SAXO1: variants seen among roughly 807,000 people sequenced by gnomAD.
The protein encoded by SAXO1 is stabilizer of axonemal microtubules 1.
SAXO1 carries 21 observed loss-of-function variants against 17.5 expected under a neutral mutation model. That is an observed-to-expected ratio of 1.20 (90% CI 0.85 to 1.72). The LOEUF (loss-of-function observed/expected upper bound fraction) is 1.72. Ranked by LOEUF, SAXO1 falls within the 40% of genes most tolerant of loss-of-function variation. SAXO1 has a pLI of 0.00. For missense variants in SAXO1, 843 were observed against 596.0 expected (o/e 1.41, Z -4.32); for synonymous variants, 274 against 216.5 (o/e 1.27, Z -2.33).
chr9:19,021,259 G>A (rs762047777), intron 1 of SAXO1, among the ~76,000 whole-genome samples: 73 of 152,196 alleles, frequency 4.8e-4, no homozygotes, highest in Non-Finnish European at 8.2e-4. Flanking sequence ...ATGAAGCTAG[G>A]GCTGGGGTAG....
upstream of SAXO1, among the ~76,000 whole-genome samples, chr9:19,036,702 C>A (rs111313842): frequency 0.019 from 2,917 of 152,190 alleles, 91 homozygotes; most frequent in African/African-American, 0.066. Flanking sequence ...ATGGAAATGC[C>A]TGGATGTCCA....
At chr9:18,990,644 G>T (rs1833777143) in intron 1 of SAXO1, among the ~76,000 whole-genome samples, 1 of 152,206 alleles carries the variant, frequency 6.6e-6, no homozygotes, top group East Asian at 1.9e-4. Context: ...CTGCACAGCA[G>T]AAGGTGAGTG....
intron 1 of SAXO1, among the ~76,000 whole-genome samples, chr9:18,997,293 T>C (rs1240429529): frequency 6.6e-6 from 1 of 152,242 alleles, no homozygotes; most frequent in Non-Finnish European, 1.5e-5. Flanking sequence ...GGACATTCCC[T>C]CCTGTGCCTG....
In SAXO1 at chr9:18,988,655, T is replaced by C. The variant is rs139934221; in HGVS notation, c.39-37718A>G. 2.8e-3 allele frequency among the ~76,000 whole-genome samples: 424 copies of C among 152,340 alleles called. 4 individuals carry two copies. Among genetic ancestry groups the C allele is most frequent in the African/African-American group, 9.8e-3 (407 of 41,586 alleles). On this transcript the variant is annotated intron_variant, in intron 1 of 3. Coordinates refer to ENST00000380534, the MANE Select transcript of SAXO1 (RefSeq NM_153707.4). Reference sequence around the variant, plus strand: ...CTTTGGATAATCAATGTATGCACTATATGCATGCCCATTGTATGTAACAAC... The same window carrying C: ...CTTTGGATAATCAATGTATGCACTACATGCATGCCCATTGTATGTAACAAC...
At chr9:19,032,245 ACAG>A (rs1280976740) in intron 1 of SAXO1, among the ~76,000 whole-genome samples, 12 of 152,166 alleles carry the variant, frequency 7.9e-5, no homozygotes, top group Non-Finnish European at 1.6e-4. Flanking sequence ...CATGTGAGTG[ACAG>A]CAGACCAGTC....
intron 1 of SAXO1, among the ~76,000 whole-genome samples, chr9:18,997,192 A>C (rs1166942543): frequency 6.6e-6 from 1 of 152,198 alleles, no homozygotes; most frequent in Non-Finnish European, 1.5e-5. Flanking sequence ...TTTCCTAACC[A>C]AGGGAAGCCA....
At chr9:18,937,133 A>T (rs1162959767) in intron 3 of SAXO1, among the ~76,000 whole-genome samples, 2 of 152,240 alleles carry the variant, frequency 1.3e-5, no homozygotes, top group Admixed American at 1.3e-4. Flanking sequence ...TTCACAAGAC[A>T]CAAACATGTC....
intron 1 of SAXO1, among the ~76,000 whole-genome samples, chr9:18,969,736 G>C (rs1352897465): frequency 6.6e-5 from 10 of 152,230 alleles, no homozygotes; most frequent in Non-Finnish European, 1.5e-5. Context: ...AACACACTCA[G>C]TTTCTAGAGC....
rs779225865 is a variant in SAXO1, at chr9:18,928,496, C to G, written c.981G>C (p.Gln327His). The G allele has an allele frequency of 4.3e-6, 7 of 1,613,622 alleles. No individual in the cohort carries two copies. The highest frequency in any genetic ancestry group is 1.7e-5 in the Admixed American group (1 of 59,958). The change falls in exon 4 of 4, where the codon CAG becomes CAC. Residue 327 changes from glutamine (Q) to histidine (H), a missense_variant. Coordinates refer to ENST00000380534, the MANE Select transcript of SAXO1 (RefSeq NM_153707.4). Reference protein sequence around the residue: ...APAQSCRPALQIKKCGRFEGS... With the variant: ...APAQSCRPALHIKKCGRFEGS... The stretch of plus-strand genomic sequence containing the variant: ...CTTCAAAGCGACCGCACTTCTTAAT[C>G]TGAAGTGCAGGTCGGCAGGACTGAG...
chr9:18,967,679 G>C (rs1230167999), intron 1 of SAXO1, among the ~76,000 whole-genome samples: 1 of 152,166 alleles, frequency 6.6e-6, no homozygotes, highest in Non-Finnish European at 1.5e-5. Flanking sequence ...AGCTTGTTGG[G>C]CTCCATTGGG....
chr9:18,970,405 T>C (rs1028074505), intron 1 of SAXO1, among the ~76,000 whole-genome samples: 10 of 152,190 alleles, frequency 6.6e-5, no homozygotes, highest in Admixed American at 5.2e-4. Flanking sequence ...TGCTCAGGTA[T>C]TGGCTAGGAT....
At position 19,008,564 on chromosome 9, in the gene SAXO1, GTGAT is replaced by G. The variant is rs1165244337; in HGVS notation, c.38+24303_38+24306del. On this transcript the variant is annotated intron_variant, in intron 1 of 3. Transcript: ENST00000380534. The stretch of plus-strand genomic sequence containing the variant: ...AGGCTTGCCATATTTGAAGAGTTGA[GTGAT>G]TGAGGCAGAAAATGCTAGATACCTA... Among the ~76,000 whole-genome samples the G allele has an allele frequency of 2.6e-5, 4 of 152,280 alleles. No homozygotes were observed. The East Asian group carries it at 7.7e-4, about 29-fold the overall frequency.
chr9:19,037,176 C>G (rs1563997006), upstream of SAXO1, among the ~76,000 whole-genome samples: 1 of 152,160 alleles, frequency 6.6e-6, no homozygotes, highest in Non-Finnish European at 1.5e-5. Context: ...TAGGAAGTAA[C>G]TAGCTTGCTT....
At chr9:19,045,081 C>A (rs1169477044) in intron 1 of SAXO1, among the ~76,000 whole-genome samples, 1 of 150,746 alleles carries the variant, frequency 6.6e-6, no homozygotes, top group Non-Finnish European at 1.5e-5. Flanking sequence ...GAGGCCGAGG[C>A]GGGTGGATCA....
chr9:19,034,078 C>T (rs1011934186), upstream of SAXO1, among the ~76,000 whole-genome samples: 2 of 152,210 alleles, frequency 1.3e-5, no homozygotes, highest in Non-Finnish European at 2.9e-5. Flanking sequence ...GTTCAAAAGA[C>T]ACTGCTCTGG....
At chr9:18,938,172 A>C (rs1040900507) in intron 3 of SAXO1, among the ~76,000 whole-genome samples, 1 of 152,228 alleles carries the variant, frequency 6.6e-6, no homozygotes, top group Non-Finnish European at 1.5e-5. Flanking sequence ...AGGTACCAGA[A>C]GTTTAAGGAA....
At chr9:18,962,285 C>G (rs1832520042) in intron 1 of SAXO1, among the ~76,000 whole-genome samples, 1 of 152,182 alleles carries the variant, frequency 6.6e-6, no homozygotes, top group Non-Finnish European at 1.5e-5. Flanking sequence ...TCAGGCTAGT[C>G]TTGAACTCCC....
upstream of SAXO1, chr9:19,033,251 G>A: frequency 3.6e-6 from 1 of 277,048 alleles, no homozygotes; most frequent in Non-Finnish European, 6.7e-6. Flanking sequence ...GGTAGCCTCT[G>A]TGATGTCGCC....
intron 1 of SAXO1, among the ~76,000 whole-genome samples, chr9:18,952,889 C>G (rs1467772412): frequency 6.6e-6 from 1 of 152,138 alleles, no homozygotes; most frequent in Non-Finnish European, 1.5e-5. Context: ...TAAAATATCT[C>G]CTAATTGTTG....
Sources: allele counts gnomAD v4.1 joint callset (sites outside exome capture counted in the v4.1 genomes callset), GRCh38; gene constraint gnomAD v4.1.1; transcripts MANE v1.5; gene names NCBI Gene and HGNC (gene_info 2026-07-23, HGNC 2026-07-21).